The following GLI2 variants were observed in gnomAD, a reference collection of about 807,000 sequenced individuals.
GLI2 encodes transcription activator GLI2.
A neutral mutation model predicts 78.9 loss-of-function variants in GLI2; 22 were observed. The ratio of observed to expected loss-of-function variants is 0.28; its 90% CI spans 0.20 to 0.40. GLI2 has a LOEUF of 0.40. Ranked by LOEUF, GLI2 falls within the 10% of genes least tolerant of loss-of-function variation. GLI2 has a pLI of 1.00. For synonymous variants in GLI2, 974 were observed against 963.7 expected (o/e 1.01, Z -0.20); for missense variants, 2,097 against 2,213.2 (o/e 0.95, Z 1.05).
chr2:120,865,877 T>C (rs2104655716), intron 2 of GLI2, among the ~76,000 whole-genome samples: 1 of 152,282 alleles, frequency 6.6e-6, no homozygotes, highest in South Asian at 2.1e-4. Flanking sequence ...CAGGCCAGGC[T>C]CTCTCTCTGG....
chr2:120,881,606 GC>G (rs1677132155), intron 2 of GLI2, among the ~76,000 whole-genome samples: 1 of 85,954 alleles, frequency 1.2e-5, no homozygotes, highest in Non-Finnish European at 2.3e-5. Flanking sequence ...AGCTGGGGTG[GC>G]GGGGGGGAGG....
intron 1 of GLI2, among the ~76,000 whole-genome samples, chr2:120,787,623 C>A (rs1039296946): frequency 6.6e-6 from 1 of 152,236 alleles, no homozygotes; most frequent in African/African-American, 2.4e-5. Flanking sequence ...TGTTTTTCCT[C>A]CACACTCAGG....
At chr2:120,955,661 C>G (rs1228801422) in intron 5 of GLI2, among the ~76,000 whole-genome samples, 1 of 152,218 alleles carries the variant, frequency 6.6e-6, no homozygotes, top group Non-Finnish European at 1.5e-5. Context: ...GCAAACAAAG[C>G]TGGAACTTAC....
At chr2:120,976,577 G>GTC (rs1682466613) in intron 9 of GLI2, among the ~76,000 whole-genome samples, 1 of 152,256 alleles carries the variant, frequency 6.6e-6, no homozygotes, top group Admixed American at 6.5e-5. Flanking sequence ...GAGAGGGACA[G>GTC]TCTCTCAGGC....
chr2:120,894,311 C>T (rs1168409581), intron 2 of GLI2, among the ~76,000 whole-genome samples: 4 of 152,208 alleles, frequency 2.6e-5, no homozygotes, highest in African/African-American at 9.7e-5. Flanking sequence ...AGAAAGGACA[C>T]CCCTTAGAAA....
At chr2:120,881,401 G>T (rs1677112703) in intron 2 of GLI2, among the ~76,000 whole-genome samples, 1 of 149,242 alleles carries the variant, frequency 6.7e-6, no homozygotes, top group African/African-American at 2.5e-5. Flanking sequence ...CAGGTGGGGG[G>T]AGGACAGGTG....
At chr2:120,821,206 T>G (rs1685757822) in intron 2 of GLI2, among the ~76,000 whole-genome samples, 1 of 152,052 alleles carries the variant, frequency 6.6e-6, no homozygotes. Context: ...TCTCTCGAGT[T>G]GCAAAGGTGC....
rs60397937 is a variant in GLI2 at position 120,869,900 on chromosome 2, G to A, written c.149-57461G>A. 8.3e-3 allele frequency among the ~76,000 whole-genome samples: 1,259 copies of A among 152,178 alleles called. 16 individuals carry two copies. The highest frequency in any genetic ancestry group is 0.026 in the African/African-American group (1,088 of 41,522). ...ACCTTCAGTCCAGGGAGTTCTTCAGGGGGACTGTCCAGAGGGCTCTGCAGG... is the reference window on the plus strand; with the variant it reads ...ACCTTCAGTCCAGGGAGTTCTTCAGAGGGACTGTCCAGAGGGCTCTGCAGG... On this transcript the variant is annotated intron_variant, in intron 2 of 13. Transcript: ENST00000361492.
intron 5 of GLI2, among the ~76,000 whole-genome samples, chr2:120,957,265 T>C (rs1681319375): frequency 6.6e-6 from 1 of 152,114 alleles, no homozygotes. Context: ...CCCAGCATGG[T>C]GTTTAGTCCA....
intron 3 of GLI2, among the ~76,000 whole-genome samples, chr2:120,932,305 G>C (rs1056425070): frequency 6.6e-6 from 1 of 152,100 alleles, no homozygotes; most frequent in Non-Finnish European, 1.5e-5. Flanking sequence ...TGACCATTTC[G>C]TGGGTGTGCC....
chr2:120,738,938 G>A (rs1682447557), intron 1 of GLI2, among the ~76,000 whole-genome samples: 1 of 152,192 alleles, frequency 6.6e-6, no homozygotes, highest in African/African-American at 2.4e-5. Flanking sequence ...TTGGAGTGGA[G>A]TGCCACTTCA....
chr2:120,836,955 T>C (rs1055526058), intron 2 of GLI2, among the ~76,000 whole-genome samples: 2 of 152,238 alleles, frequency 1.3e-5, no homozygotes, highest in African/African-American at 4.8e-5. Flanking sequence ...TGAATGATCT[T>C]AGTTTCATTT....
At chr2:120,952,351 C>T (rs1313515551) in intron 4 of GLI2, among the ~76,000 whole-genome samples, 12 of 152,232 alleles carry the variant, frequency 7.9e-5, no homozygotes, top group Admixed American at 5.9e-4. Context: ...TGGGCAGAGG[C>T]TCTAGGAAAT....
Position 120,988,511 on chromosome 2 carries a change from C to G in GLI2, c.2546C>G (p.Ser849Trp), listed in dbSNP as rs1683096135. Reference protein sequence around the residue: ...DPISTDASRRSSEASQCSGGS... With the variant: ...DPISTDASRRWSEASQCSGGS... The stretch of plus-strand genomic sequence containing the variant: ...ATCTCCACGGACGCGTCGCGGCGCT[C>G]GAGCGAGGCCAGCCAGTGCAGCGGC... Residue 849 changes from serine (S) to tryptophan (W), a missense_variant, in exon 14 of 14, where the codon TCG becomes TGG. By Grantham distance (177) the Ser-to-Trp change is radical (BLOSUM62 -3). Transcript: ENST00000361492. 6.6e-7 allele frequency: 1 copy of G among 1,523,480 alleles called. No individual in the cohort carries two copies. The allele number at this position is 1,523,480 out of a possible 1,614,324, so 94.4% of individuals were successfully genotyped here. A position where few individuals can be genotyped will look rare whatever the true frequency, so the allele number is the denominator to read the frequency against.
intron 1 of GLI2, among the ~76,000 whole-genome samples, chr2:120,766,093 G>A (rs1200803511): frequency 6.6e-6 from 1 of 152,188 alleles, no homozygotes; most frequent in Non-Finnish European, 1.5e-5. Flanking sequence ...CTTGCATCAC[G>A]ATGGGGAGGG....
intron 8 of GLI2, chr2:120,972,522 G>C (rs13385738): frequency 0.034 from 15,212 of 447,400 alleles, 336 homozygotes; most frequent in African/African-American, 0.045. Flanking sequence ...ATAGGACTGA[G>C]CTCCAGGCCC....
chr2:120,889,330 G>A (rs536707699), intron 2 of GLI2, among the ~76,000 whole-genome samples: 1 of 152,306 alleles, frequency 6.6e-6, no homozygotes, highest in East Asian at 1.9e-4. Flanking sequence ...CACACCTTGG[G>A]TAGTAAAGGT....
intron 1 of GLI2, 27 bp from the exon 2 acceptor site, chr2:120,797,263 TG>T (rs1684439396): frequency 3.8e-6 from 6 of 1,588,072 alleles, no homozygotes; most frequent in African/African-American, 2.7e-5. Flanking sequence ...GGCTCAGTGT[TG>T]GTGAGTGTCT....
intron 2 of GLI2, among the ~76,000 whole-genome samples, chr2:120,914,335 G>A (rs561682340): frequency 1.6e-4 from 24 of 152,350 alleles, no homozygotes; most frequent in African/African-American, 4.8e-4. Context: ...CCTGGGCACC[G>A]TCTCCTCCAG....
Sources: gnomAD v4.1 joint callset for allele counts (sites outside exome capture counted in the v4.1 genomes callset) on GRCh38, gnomAD v4.1.1 for gene constraint, MANE v1.5 for transcripts, NCBI Gene and HGNC (gene_info 2026-07-23, HGNC 2026-07-21) for gene names.